Variants in LHX8 observed in about 807,000 individuals in gnomAD.
LHX8 encodes LIM homeobox 8, also known as LIM/homeobox protein Lhx8.
LHX8 carries 12 observed loss-of-function variants against 40.3 expected under a neutral mutation model. The ratio of observed to expected loss-of-function variants is 0.30; its 90% CI spans 0.19 to 0.48. LHX8 has a LOEUF of 0.48. LHX8 is among the 20% of genes least tolerant of loss of function. The pLI is 0.99. For synonymous variants in LHX8, 179 were observed against 162.0 expected (o/e 1.10, Z -0.80); for missense variants, 344 against 433.7 (o/e 0.79, Z 1.84).
chr1:75,136,902 G>A (rs375042600), intron 2 of LHX8, among the ~76,000 whole-genome samples, 198 bp from the exon 3 acceptor site: 1 of 151,734 alleles, frequency 6.6e-6, no homozygotes, highest in Non-Finnish European at 1.5e-5. Flanking sequence ...AATAGGTCAG[G>A]GGTCGGCAGC....
the LHX8 span, among the ~76,000 whole-genome samples, chr1:75,191,409 G>T: frequency 3.3e-5 from 5 of 152,112 alleles, no homozygotes; most frequent in East Asian, 9.7e-4. Flanking sequence ...TATTTCAGAG[G>T]AGCAGTGCCA....
chr1:75,189,791 C>G, the LHX8 span, among the ~76,000 whole-genome samples: 2 of 152,268 alleles, frequency 1.3e-5, no homozygotes, highest in South Asian at 4.1e-4. Flanking sequence ...ATTGTGTTCT[C>G]CCTCATCATA....
the LHX8 span, among the ~76,000 whole-genome samples, chr1:75,193,852 C>A: frequency 2.0e-5 from 3 of 152,202 alleles, no homozygotes; most frequent in African/African-American, 7.2e-5. Flanking sequence ...AGACCTGACA[C>A]AAATACCACT....
chr1:75,153,356 G>A (rs534664510), intron 7 of LHX8, among the ~76,000 whole-genome samples: 2 of 151,776 alleles, frequency 1.3e-5, no homozygotes, highest in South Asian at 4.2e-4. Flanking sequence ...CACCCACCTC[G>A]GCCTCCCAAA....
the LHX8 span, among the ~76,000 whole-genome samples, chr1:75,171,851 G>A: frequency 1.3e-5 from 2 of 152,156 alleles, no homozygotes; most frequent in East Asian, 1.9e-4. Flanking sequence ...ATGGCAGAGG[G>A]AGAAGGAGCA....
chr1:75,167,170 A>T, the LHX8 span, among the ~76,000 whole-genome samples: 1 of 152,228 alleles, frequency 6.6e-6, no homozygotes, highest in African/African-American at 2.4e-5. Flanking sequence ...GAGAAGTATC[A>T]CAAAAACTTT....
At chr1:75,166,458 T>C (rs1488913059), downstream of LHX8, among the ~76,000 whole-genome samples, 1 of 152,208 alleles carries the variant, frequency 6.6e-6, no homozygotes, top group Non-Finnish European at 1.5e-5. Context: ...TATTTGAAAA[T>C]GGAAACCATT....
intron 7 of LHX8, among the ~76,000 whole-genome samples, chr1:75,155,997 CTTTTTT>C (rs200891522): frequency 7.7e-6 from 1 of 130,500 alleles, no homozygotes; most frequent in Non-Finnish European, 1.7e-5. Flanking sequence ...ATTTAGTAGT[CTTTTTT>C]TTTTTTTTTT....
the LHX8 span, among the ~76,000 whole-genome samples, chr1:75,169,338 C>T: frequency 6.6e-6 from 1 of 152,190 alleles, no homozygotes. Flanking sequence ...GCCTGTTTCT[C>T]TTCTGTAAAT....
At chr1:75,132,009 T>G (rs1009131870), upstream of LHX8, 9 of 152,170 alleles carry the variant, frequency 5.9e-5, no homozygotes, top group African/African-American at 2.2e-4. Context: ...AAAATTGGAA[T>G]CAATTGGCGT....
At chr1:75,183,593 A>G in the LHX8 span, among the ~76,000 whole-genome samples, 1 of 152,250 alleles carries the variant, frequency 6.6e-6, no homozygotes, top group Non-Finnish European at 1.5e-5. Flanking sequence ...GTTTGTTACC[A>G]CTAGACCTGC....
chr1:75,191,930 A>G, the LHX8 span, among the ~76,000 whole-genome samples: 1 of 152,204 alleles, frequency 6.6e-6, no homozygotes, highest in Admixed American at 6.5e-5. Context: ...TTCTTGCAGA[A>G]AGTTTTATAG....
chr1:75,154,146 G>A (rs888387764), intron 7 of LHX8, among the ~76,000 whole-genome samples: 4 of 152,188 alleles, frequency 2.6e-5, no homozygotes, highest in Admixed American at 2.0e-4. Flanking sequence ...TTTTGTCAGT[G>A]AGGAGAGTCA....
chr1:75,154,383 G>A (rs1224863086), intron 7 of LHX8, among the ~76,000 whole-genome samples: 1 of 135,314 alleles, frequency 7.4e-6, no homozygotes, highest in African/African-American at 2.6e-5. Context: ...TATTTACAAA[G>A]TTTGAGTGTT....
intron 7 of LHX8, among the ~76,000 whole-genome samples, chr1:75,154,855 G>A (rs777234533): frequency 2.4e-4 from 36 of 152,144 alleles, no homozygotes; most frequent in Admixed American, 4.6e-4. Flanking sequence ...TCCTGCTCAA[G>A]GCTATATACC....
At chr1:75,175,926 G>T in the LHX8 span, among the ~76,000 whole-genome samples, 1 of 152,022 alleles carries the variant, frequency 6.6e-6, no homozygotes. Context: ...GCAGTGTTTG[G>T]CTTTCTGTCC....
chr1:75,155,265 C>A (rs574909739), intron 7 of LHX8, among the ~76,000 whole-genome samples: 1 of 121,736 alleles, frequency 8.2e-6, no homozygotes, highest in African/African-American at 3.3e-5. Flanking sequence ...GACGGAGTCT[C>A]GCTCTGTCGC....
chr1:75,133,358 C>T (rs995607191), upstream of LHX8, among the ~76,000 whole-genome samples: 1 of 152,140 alleles, frequency 6.6e-6, no homozygotes, highest in African/African-American at 2.4e-5. Flanking sequence ...GGCTGCTGAC[C>T]GAGCTGGGGT....
At chr1:75,165,585 G>A (rs11162661), downstream of LHX8, among the ~76,000 whole-genome samples, 2,103 of 152,002 alleles carry the variant, frequency 0.014, 50 homozygotes, top group African/African-American at 0.048. Flanking sequence ...TATCAATGGA[G>A]GAAAAAAAGA....
Sources: allele counts gnomAD v4.1 joint callset (sites outside exome capture counted in the v4.1 genomes callset), GRCh38; gene constraint gnomAD v4.1.1; transcripts MANE v1.5; gene names NCBI Gene and HGNC (gene_info 2026-07-23, HGNC 2026-07-21).